Variants in EPHB3 observed in about 807,000 individuals in gnomAD.
The protein encoded by EPHB3 is ephrin type-B receptor 3.
In EPHB3, 33 loss-of-function variants were observed where a neutral mutation model predicts 100.2. The observed-to-expected ratio is 0.33, with a 90% CI of 0.25 to 0.44. The LOEUF (loss-of-function observed/expected upper bound fraction) is 0.44, where lower values mean the gene tolerates loss of function less well. EPHB3 is among the 20% of genes least tolerant of loss of function. EPHB3 has a pLI of 1.00. For synonymous variants in EPHB3, 526 were observed against 554.7 expected, an observed-to-expected ratio of 0.95 and a Z score of 0.73; for missense variants, 1,045 against 1,378.3, an observed-to-expected ratio of 0.76 and a Z score of 3.83.
At chr3:184,570,662 C>A (rs1314090519) in intron 1 of EPHB3, among the ~76,000 whole-genome samples, 1 of 152,238 alleles carries the variant, frequency 6.6e-6, no homozygotes, top group African/African-American at 2.4e-5. Context: ...GAGGCCAGGG[C>A]CAGGGTCTGG....
In EPHB3 at chr3:184,571,190, G is replaced by A; in HGVS notation, c.119-128G>A. The A allele has an allele frequency of 6.1e-6, 5 of 814,134 alleles. No homozygotes were observed. Among genetic ancestry groups the A allele is most frequent in the Non-Finnish European group, 1.0e-5 (5 of 483,662 alleles). 50.4% of individuals were successfully genotyped at this position (814,134 alleles called of 1,614,324 possible). ...ACTGATCTCAAACTCCTGACCTCAAGTGATCCACCTGCCTCAGACTCCCAA... is the reference window on the plus strand; with the variant it reads ...ACTGATCTCAAACTCCTGACCTCAAATGATCCACCTGCCTCAGACTCCCAA... On this transcript the variant is annotated intron_variant, in intron 1 of 15. Transcript: ENST00000330394. The surrounding 1 kb of genome is among the most constrained non-coding windows in gnomAD (Gnocchi z 5.0).
Position 184,572,452 on chromosome 3 carries a change from C to T in EPHB3, c.184-52C>T. ...AGAGCAGATCTGGGCACGAGGGAAG[C>T]ACTTGGCAAATGCAGGCATTCACTC... On this transcript the variant is annotated intron_variant, in intron 2 of 15. Coordinates refer to ENST00000330394, the MANE Select transcript of EPHB3 (RefSeq NM_004443.4). This position sits in a 1 kb window ranked among gnomAD's most constrained non-coding sequence, Gnocchi z 6.6. The T allele has an allele frequency of 6.6e-7, 1 of 1,517,418 alleles. No individual in the cohort carries two copies. Among genetic ancestry groups the T allele is most frequent in the Non-Finnish European group, 8.8e-7 (1 of 1,139,112 alleles). 94.0% of individuals were successfully genotyped at this position (1,517,418 alleles called of 1,614,324 possible).
Position 184,578,528 on chromosome 3 carries a change from C to T in EPHB3, c.1801+62C>T, listed in dbSNP as rs189765279. On this transcript the variant is annotated intron_variant, in intron 9 of 15. Transcript: ENST00000330394. The surrounding 1 kb of genome is among the most constrained non-coding windows in gnomAD (Gnocchi z 4.7). ...AGCCCCCTGCAGGGCTCTCAGACAC[C>T]CTTCTCCCTGCCTGGGACTTCATTC... 3.2e-5 allele frequency: 51 copies of T among 1,603,612 alleles called. No homozygotes were observed. The Admixed American group carries it at 8.4e-4, about 26-fold the overall frequency.
Position 184,578,238 on chromosome 3 carries a change from A to G in EPHB3, c.1749-176A>G. The G allele has an allele frequency of 1.0e-6, 1 of 966,420 alleles. No individual in the cohort carries two copies. Among genetic ancestry groups the G allele is most frequent in the Non-Finnish European group, 1.5e-6 (1 of 652,242 alleles). 59.9% of individuals were successfully genotyped at this position (966,420 alleles called of 1,614,324 possible). A position where few individuals can be genotyped will look rare whatever the true frequency, so the allele number is the denominator to read the frequency against. On this transcript the variant is annotated intron_variant, in intron 8 of 15. Coordinates refer to ENST00000330394, the MANE Select transcript of EPHB3 (RefSeq NM_004443.4). This position sits in a 1 kb window ranked among gnomAD's most constrained non-coding sequence, Gnocchi z 4.7. ...CTCCGGGCAGGTTCCCTAGGGACTGAGTCCACTGAACCCCTTGCTCAGACA... is the reference window on the plus strand; with the variant it reads ...CTCCGGGCAGGTTCCCTAGGGACTGGGTCCACTGAACCCCTTGCTCAGACA...
chr3:184,577,808 A>G lies in EPHB3; in HGVS notation c.1630A>G (p.Ser544Gly), dbSNP rs368047857. 4.4e-6 allele frequency: 7 copies of G among 1,605,750 alleles called. No homozygotes were observed. In the African/African-American group the frequency reaches 5.4e-5, roughly 12 times the overall value. The change falls in exon 7 of 16, where the codon AGT becomes GGT. Residue 544 changes from serine (S) to glycine (G), a missense_variant. By Grantham distance (56) the Ser-to-Gly change is moderately conservative (BLOSUM62 0). This residue lies in a region of EPHB3 where 985 missense variants were observed against 1,331.1 expected (regional missense o/e 0.74). Coordinates refer to ENST00000330394, the MANE Select transcript of EPHB3 (RefSeq NM_004443.4). The surrounding 1 kb of genome is among the most constrained non-coding windows in gnomAD (Gnocchi z 4.9). Reference protein sequence around the residue: ...YSRPAEFETTSERGSGAQQLQ... With the variant: ...YSRPAEFETTGERGSGAQQLQ... ...CCGCCCTGCCGAGTTTGAGACCACAAGTGAGAGAGGTTAGTAGCCCCCTGC... is the reference window on the plus strand; with the variant it reads ...CCGCCCTGCCGAGTTTGAGACCACAGGTGAGAGAGGTTAGTAGCCCCCTGC...
chr3:184,572,363 T>G lies in EPHB3; in HGVS notation c.184-141T>G. On this transcript the variant is annotated intron_variant, in intron 2 of 15. Transcript: ENST00000330394. This position sits in a 1 kb window ranked among gnomAD's most constrained non-coding sequence, Gnocchi z 6.6. ...CACACAGCAGGCAGAGAGCTGGAATTTGAGCCCATATAGCCTGTATGCTCA... is the reference window on the plus strand; with the variant it reads ...CACACAGCAGGCAGAGAGCTGGAATGTGAGCCCATATAGCCTGTATGCTCA... The G allele has an allele frequency of 1.1e-6, 1 of 900,704 alleles. No homozygotes were observed. The highest frequency in any genetic ancestry group is 3.3e-5 in the East Asian group (1 of 30,550). 55.8% of individuals were successfully genotyped at this position (900,704 alleles called of 1,614,324 possible).
Position 184,577,155 on chromosome 3 carries a change from G to C in EPHB3, c.1326G>C (p.Ala442=), listed in dbSNP as rs760437107. The change falls in exon 5 of 16, where the codon GCG becomes GCC. Residue 442 remains alanine, a synonymous_variant. Transcript: ENST00000330394. The surrounding 1 kb of genome is among the most constrained non-coding windows in gnomAD (Gnocchi z 4.9). ...AGAGCCCTCTGCCGCCTCGTTATGC[G>C]GCCGTGAATATCACCACAAACCAGG... ...SGKSPLPPRY[A]AVNITTNQAA... 3.1e-6 allele frequency: 5 copies of C among 1,605,514 alleles called. No individual in the cohort carries two copies. Among genetic ancestry groups the C allele is most frequent in the South Asian group, 1.1e-5 (1 of 90,408 alleles).
rs756924838 is a variant in EPHB3, at chr3:184,581,544, C to T, written c.2919C>T (p.Ala973=). The change falls in exon 16 of 16, where the codon GCC becomes GCT. Residue 973 remains alanine (A), a synonymous_variant. Transcript: ENST00000330394. ...TGCTCCGTATTGGGGTCACCCTGGC[C>T]GGCCACCAGAAGAAGATCCTGAGCA... ...EDLLRIGVTL[A]GHQKKILSSI... is the part of the protein sequence containing the mutation. The T allele has an allele frequency of 1.2e-5, 19 of 1,613,766 alleles. No individual in the cohort carries two copies. The highest frequency in any genetic ancestry group is 1.6e-4 in the Middle Eastern group (1 of 6,080).
rs1188001455 is a variant in EPHB3 at position 184,581,105 on chromosome 3, C to A, written c.2672C>A (p.Thr891Asn). The A allele has an allele frequency of 4.3e-6, 7 of 1,614,100 alleles. No individual in the cohort carries two copies. The highest frequency in any genetic ancestry group is 8.5e-7 in the Non-Finnish European group (1 of 1,180,042). ...LRPKFSQIVN[T>N]LDKLIRNAAS... ...CCCAAATTCTCCCAGATTGTCAATACCCTGGACAAGCTCATCCGCAATGCT... is the reference window on the plus strand; with the variant it reads ...CCCAAATTCTCCCAGATTGTCAATAACCTGGACAAGCTCATCCGCAATGCT... The change falls in exon 14 of 16, where the codon ACC becomes AAC. Residue 891 changes from threonine (T) to asparagine (N), a missense_variant. This residue lies in a region of EPHB3 where 985 missense variants were observed against 1,331.1 expected (regional missense o/e 0.74). Transcript: ENST00000330394.
In EPHB3 at chr3:184,581,155, G is replaced by T. The variant is rs765545961; in HGVS notation, c.2722G>T (p.Ala908Ser). The T allele has an allele frequency of 1.2e-6, 2 of 1,613,992 alleles. No homozygotes were observed. The highest frequency in any genetic ancestry group is 1.7e-6 in the Non-Finnish European group (2 of 1,179,934). Residue 908 changes from alanine (A) to serine (S), a missense_variant, in exon 14 of 16, where the codon GCT (alanine) becomes TCT (serine). Coordinates refer to ENST00000330394, the MANE Select transcript of EPHB3 (RefSeq NM_004443.4). ...NAASLKVIASAQSGMSQPLLD... is the reference protein window; with the variant it reads ...NAASLKVIASSQSGMSQPLLD... Reference sequence around the variant, plus strand: ...TGCCAGCCTCAAGGTCATTGCCAGCGCTCAGTCTGGGTTAGTACCTCTGCC... The same window carrying T: ...TGCCAGCCTCAAGGTCATTGCCAGCTCTCAGTCTGGGTTAGTACCTCTGCC...
intron 1 of EPHB3, among the ~76,000 whole-genome samples, chr3:184,564,868 T>A (rs1354105844): frequency 6.6e-6 from 1 of 152,046 alleles, no homozygotes; most frequent in African/African-American, 2.4e-5. Context: ...TGAAGATCTC[T>A]TCAGCCCCTC....
Position 184,580,087 on chromosome 3 carries a change from GT to G in EPHB3, c.2172+154del, listed in dbSNP as rs879328708. 3.2e-4 allele frequency among the ~76,000 whole-genome samples: 49 copies of G among 152,328 alleles called. No homozygotes were observed. The Middle Eastern group carries it at 0.014, about 42-fold the overall frequency. On this transcript the variant is annotated intron_variant, in intron 11 of 15. Transcript: ENST00000330394. ...AATGGCAGGGCCTTCATAGCCATAAGTATGGGAGTTCACATCTTGACTGTTC... is the reference window on the plus strand; with the variant it reads ...AATGGCAGGGCCTTCATAGCCATAAGATGGGAGTTCACATCTTGACTGTTC...
Position 184,581,651 on chromosome 3 carries a change from C to G in EPHB3, c.*29C>G. 3 of 1,547,778 alleles carry G rather than the reference C, an allele frequency of 1.9e-6. No homozygotes were observed. The highest frequency in any genetic ancestry group is 2.6e-6 in the Non-Finnish European group (3 of 1,148,268). On this transcript the variant is annotated 3_prime_UTR_variant, in exon 16 of 16. Transcript: ENST00000330394. The stretch of plus-strand genomic sequence containing the variant: ...CGGCTCCCACGGGGACCCTGAGGAC[C>G]GTGCAGGGATGCCAAGCAGCCGGCT...
In EPHB3 at chr3:184,576,978, T is replaced by C. The variant is rs773463961; in HGVS notation, c.1149T>C (p.Ala383=). 1 of 1,613,508 alleles carries C rather than the reference T, an allele frequency of 6.2e-7. No individual in the cohort carries two copies. The highest frequency in any genetic ancestry group is 8.5e-7 in the Non-Finnish European group (1 of 1,179,644). The change falls in exon 5 of 16, where the codon GCT becomes GCC. Residue 383 remains alanine, a synonymous_variant. Transcript: ENST00000330394. ...TCATCTGCAAGAAGTGCCATGGGGC[T>C]GGAGGGGCCTCAGCCTGCTCACGCT... ...YNVICKKCHG[A]GGASACSRCD...
At position 184,577,100 on chromosome 3, in the gene EPHB3, A is replaced by C; in HGVS notation, c.1271A>C (p.Glu424Ala). 1 of 1,613,288 alleles carries C rather than the reference A, an allele frequency of 6.2e-7. No individual in the cohort carries two copies. The highest frequency in any genetic ancestry group is 8.5e-7 in the Non-Finnish European group (1 of 1,179,728). ...CTGGCCCACACGCGCTACACCTTTG[A>C]GGTGCAGGCGGTCAACGGTGTCTCG... ...HLLAHTRYTF[E>A]VQAVNGVSGK... The change falls in exon 5 of 16, where the codon GAG (glutamate) becomes GCG (alanine). Residue 424 changes from glutamate to alanine, a missense_variant. Coordinates refer to ENST00000330394, the MANE Select transcript of EPHB3 (RefSeq NM_004443.4). The surrounding 1 kb of genome is among the most constrained non-coding windows in gnomAD (Gnocchi z 4.9).
intron 4 of EPHB3, 53 bp downstream of exon 4, chr3:184,576,038 C>G (rs1262671067): frequency 3.2e-6 from 5 of 1,540,406 alleles, no homozygotes; most frequent in African/African-American, 1.4e-5. Flanking sequence ...CTCTGGGGGG[C>G]CAGCCTGGGA....
chr3:184,577,827 C>T lies in EPHB3; in HGVS notation c.1639+10C>T. 1.9e-6 allele frequency: 3 copies of T among 1,605,126 alleles called. No homozygotes were observed. Among genetic ancestry groups the T allele is most frequent in the Non-Finnish European group, 2.6e-6 (3 of 1,174,078 alleles). ...ACCACAAGTGAGAGAGGTTAGTAGCCCCCTGCGCCTGTCCCCATCGCGGCC... is the reference window on the plus strand; with the variant it reads ...ACCACAAGTGAGAGAGGTTAGTAGCTCCCTGCGCCTGTCCCCATCGCGGCC... On this transcript the variant is annotated intron_variant, in intron 7 of 15. Coordinates refer to ENST00000330394, the MANE Select transcript of EPHB3 (RefSeq NM_004443.4). The surrounding 1 kb of genome is among the most constrained non-coding windows in gnomAD (Gnocchi z 4.9).
rs758915592 is a variant in EPHB3 at position 184,575,997 on chromosome 3, C to A, written c.1012+12C>A. 1 of 1,600,168 alleles carries A rather than the reference C, an allele frequency of 6.2e-7. No homozygotes were observed. The highest frequency in any genetic ancestry group is 1.7e-5 in the Admixed American group (1 of 58,988). On this transcript the variant is annotated intron_variant, in intron 4 of 15. Coordinates refer to ENST00000330394, the MANE Select transcript of EPHB3 (RefSeq NM_004443.4). ...CAGTGCCTGTACCAGTGAGTGAACG[C>A]GTGACCTCTCTTTCCCTCTGCAGGC...
Position 184,579,220 on chromosome 3 carries a change from G to A in EPHB3, c.1802-257G>A, listed in dbSNP as rs1714758846. Among the ~76,000 whole-genome samples, 1 of 152,170 alleles carries A rather than the reference G, an allele frequency of 6.6e-6. No homozygotes were observed. Among genetic ancestry groups the A allele is most frequent in the African/African-American group, 2.4e-5 (1 of 41,428 alleles). On this transcript the variant is annotated intron_variant, in intron 9 of 15. Transcript: ENST00000330394. The surrounding 1 kb of genome is among the most constrained non-coding windows in gnomAD (Gnocchi z 5.2). ...AGTGTTGAAGGCCTGGACAAGGTCG[G>A]GGCAGTGGGAACCAGGGGAGGCATG...
Sources: gnomAD v4.1 joint callset for allele counts (sites outside exome capture counted in the v4.1 genomes callset) on GRCh38, gnomAD v4.1.1 for gene constraint, gnomAD v4.1.1 regional missense constraint, Gnocchi (gnomAD v3.1) non-coding constraint, MANE v1.5 for transcripts, NCBI Gene and HGNC (gene_info 2026-07-23, HGNC 2026-07-21) for gene names.